NUP133: variants seen among roughly 807,000 people sequenced by gnomAD.
NUP133 encodes nuclear pore complex protein Nup133.
In NUP133, 66 loss-of-function variants were observed where a neutral mutation model predicts 146.2. The ratio of observed to expected loss-of-function variants is 0.45; its 90% CI spans 0.37 to 0.55. The LOEUF is 0.55. Ranked by LOEUF, NUP133 falls within the 20% of genes least tolerant of loss-of-function variation. NUP133 has a pLI of 0.00. For missense variants in NUP133, 1,277 were observed against 1,374.8 expected, an observed-to-expected ratio of 0.93 and a Z score of 1.12; for synonymous variants, 521 against 498.8, an observed-to-expected ratio of 1.04 and a Z score of -0.59.
chr1:229,462,567 T>A (rs1268017777), intron 19 of NUP133, among the ~76,000 whole-genome samples: 3 of 151,246 alleles, frequency 2.0e-5, no homozygotes, highest in Non-Finnish European at 4.4e-5. Context: ...AATGGAAATT[T>A]TTTTTTTTTT....
At chr1:229,443,723 ATTT>A (rs71561738) in intron 25 of NUP133, among the ~76,000 whole-genome samples, 4,846 of 115,782 alleles carry the variant, frequency 0.042, 134 homozygotes, top group African/African-American at 0.12. Context: ...CACATATATA[ATTT>A]TTTTTTTTTT....
Position 229,452,663 on chromosome 1 carries a change from G to A in NUP133, c.2981-20C>T. ...CCATTTCTAGTATTCAAGATGAGAGGGAGGGAAAGAGAATATGATGAAATT... is the reference window on the plus strand; with the variant it reads ...CCATTTCTAGTATTCAAGATGAGAGAGAGGGAAAGAGAATATGATGAAATT... On this transcript the variant is annotated intron_variant, in intron 21 of 25. Transcript: ENST00000261396. 3.2e-6 allele frequency: 5 copies of A among 1,546,258 alleles called. No individual in the cohort carries two copies. Among genetic ancestry groups the A allele is most frequent in the Non-Finnish European group, 4.4e-6 (5 of 1,127,296 alleles).
rs1412568718 is a variant in NUP133, at chr1:229,465,645, C to T, written c.2200-126G>A. 3 of 713,842 alleles carry T rather than the reference C, an allele frequency of 4.2e-6. No individual in the cohort carries two copies. The African/African-American group carries it at 5.4e-5, about 13-fold the overall frequency. The allele number at this position is 713,842 out of a possible 1,614,324, so 44.2% of individuals were successfully genotyped here. A position where few individuals can be genotyped will look rare whatever the true frequency, so the allele number is the denominator to read the frequency against. The stretch of plus-strand genomic sequence containing the variant: ...CTCAGGGGCCAGGAATGTTGGCTCA[C>T]ACCTGTAATCCCAGTGCTTTGGGAG... On this transcript the variant is annotated intron_variant, in intron 16 of 25. Transcript: ENST00000261396.
rs1305263866 is a variant in NUP133 at position 229,455,234 on chromosome 1, T to C, written c.2981-2591A>G. On this transcript the variant is annotated intron_variant, in intron 21 of 25. Transcript: ENST00000261396. The stretch of plus-strand genomic sequence containing the variant: ...CTGCATATACTTGATCCAAACCACA[T>C]AGCTGAGATTCCCCGCTCCAATTTT... Among the ~76,000 whole-genome samples, 8 of 152,318 alleles carry C rather than the reference T, an allele frequency of 5.3e-5. No homozygotes were observed. In the East Asian group the frequency reaches 1.3e-3, roughly 26 times the overall value.
At chr1:229,449,849 TTTTATA>T (rs1310219965) in intron 23 of NUP133, among the ~76,000 whole-genome samples, 2 of 102,142 alleles carry the variant, frequency 2.0e-5, no homozygotes, top group African/African-American at 9.3e-5. Context: ...ACTATGAAGA[TTTTATA>T]TATATATATA....
chr1:229,443,990 C>T (rs1254916476), intron 25 of NUP133, among the ~76,000 whole-genome samples: 1 of 149,934 alleles, frequency 6.7e-6, no homozygotes, highest in East Asian at 2.0e-4. Context: ...ATTCTCCCAC[C>T]TTGGCCTCCC....
rs558253616 is a variant in NUP133 at position 229,486,895 on chromosome 1, G to A, written c.1343-367C>T. On this transcript the variant is annotated intron_variant, in intron 10 of 25. Transcript: ENST00000261396. The stretch of plus-strand genomic sequence containing the variant: ...ACTTTAACTTACCACATCAGTCAAT[G>A]GGGACTGGAAAAAAAAAAAAAAAAA... 8.1e-4 allele frequency among the ~76,000 whole-genome samples: 118 copies of A among 145,414 alleles called. 1 individual carries two copies. Among genetic ancestry groups the A allele is most frequent in the Admixed American group, 5.1e-3 (74 of 14,548 alleles).
rs1042050760 is a variant in NUP133 at position 229,441,819 on chromosome 1, C to T, written c.*85G>A. ...CAGCTATACATGTTATGAAATTGTA[C>T]AAACTTACACTTGTTTATGGCCTAA... On this transcript the variant is annotated 3_prime_UTR_variant, in exon 26 of 26. Transcript: ENST00000261396. 23 of 1,129,272 alleles carry T rather than the reference C, an allele frequency of 2.0e-5. No individual in the cohort carries two copies. The highest frequency in any genetic ancestry group is 2.7e-5 in the Non-Finnish European group (22 of 805,796). The allele number at this position is 1,129,272 out of a possible 1,614,324, so 70.0% of individuals were successfully genotyped here.
chr1:229,486,988 G>A (rs981344104), intron 10 of NUP133, among the ~76,000 whole-genome samples: 5 of 151,134 alleles, frequency 3.3e-5, no homozygotes, highest in Admixed American at 6.6e-5. Context: ...CTTGTGCTGG[G>A]ACTAGAAAAC....
intron 12 of NUP133, among the ~76,000 whole-genome samples, chr1:229,482,397 G>A (rs566801278): frequency 5.3e-5 from 8 of 152,222 alleles, no homozygotes; most frequent in Admixed American, 6.5e-5. Context: ...CTTTAGCCAT[G>A]CTAACTCCCA....
chr1:229,470,795 A>G lies in NUP133; in HGVS notation c.1861T>C (p.Phe621Leu). 1 of 1,613,662 alleles carries G rather than the reference A, an allele frequency of 6.2e-7. No individual in the cohort carries two copies. The highest frequency in any genetic ancestry group is 8.5e-7 in the Non-Finnish European group (1 of 1,179,836). The change falls in exon 15 of 26, where the codon TTT becomes CTT. Residue 621 changes from phenylalanine to leucine, a missense_variant. Phe to Leu is a conservative substitution (Grantham distance 22). Coordinates refer to ENST00000261396, the MANE Select transcript of NUP133 (RefSeq NM_018230.3). ...LMDFIHQVGL[F>L]GRLGSFPVRG... The stretch of plus-strand genomic sequence containing the variant: ...ACTGGAAAACTGCCTAGACGTCCAA[A>G]TAAGCCAACCTTGCAAAAAGGCAAA...
chr1:229,481,147 T>G (rs1212318956), intron 12 of NUP133, among the ~76,000 whole-genome samples: 3 of 152,124 alleles, frequency 2.0e-5, no homozygotes, highest in South Asian at 4.1e-4. Context: ...TTGGGCAGGA[T>G]GAGTTCAGCA....
chr1:229,447,938 TA>T (rs1660348858), intron 24 of NUP133, among the ~76,000 whole-genome samples: 1 of 152,130 alleles, frequency 6.6e-6, no homozygotes, highest in Admixed American at 6.5e-5. Context: ...ACCCCACTGA[TA>T]AGACAGGATG....
In NUP133 at chr1:229,450,564, A is replaced by G; in HGVS notation, c.3141T>C (p.Asp1047=). 1 of 1,589,302 alleles carries G rather than the reference A, an allele frequency of 6.3e-7. No homozygotes were observed. Among genetic ancestry groups the G allele is most frequent in the Non-Finnish European group, 8.6e-7 (1 of 1,162,614 alleles). Residue 1047 remains aspartate, a synonymous_variant, in exon 23 of 26, where the codon GAT becomes GAC. Coordinates refer to ENST00000261396, the MANE Select transcript of NUP133 (RefSeq NM_018230.3). ...CCAACAAGTCCAAAGCTTTCTTGAA[A>G]TCATATTCATTAGCTCTTCTATTTT... The part of the protein sequence containing the change: ...CEENRRANEY[D]FKKALDLLEY...
Position 229,498,153 on chromosome 1 carries a change from G to C in NUP133, c.802C>G (p.Pro268Ala), listed in dbSNP as rs767914842. 6.2e-7 allele frequency: 1 copy of C among 1,606,886 alleles called. No homozygotes were observed. Among genetic ancestry groups the C allele is most frequent in the South Asian group, 1.1e-5 (1 of 89,494 alleles). The part of the protein sequence containing the change: ...KVSSLFGILS[P>A]SSDLTLSSVL... ...AAACTTACTGTGAGATCACTACTAG[G>C]AGATAAAATTCCAAAAAGAGAAGAA... Residue 268 changes from proline (P) to alanine (A), a missense_variant, in exon 6 of 26, where the codon CCT (proline) becomes GCT (alanine). By Grantham distance (27) the Pro-to-Ala change is conservative. Coordinates refer to ENST00000261396, the MANE Select transcript of NUP133 (RefSeq NM_018230.3).
chr1:229,497,356 A>T (rs1197969745), intron 6 of NUP133, among the ~76,000 whole-genome samples: 1 of 152,240 alleles, frequency 6.6e-6, no homozygotes, highest in Non-Finnish European at 1.5e-5. Context: ...TCAAAAGAGA[A>T]ATGAGTTTTA....
At chr1:229,476,811 C>T (rs1185172793) in intron 13 of NUP133, among the ~76,000 whole-genome samples, 2 of 151,760 alleles carry the variant, frequency 1.3e-5, no homozygotes, top group African/African-American at 4.8e-5. Flanking sequence ...GTAATCTCAG[C>T]TACTCAGGAG....
chr1:229,466,406 A>G (rs1660828619), intron 16 of NUP133, among the ~76,000 whole-genome samples: 2 of 152,248 alleles, frequency 1.3e-5, no homozygotes, highest in Admixed American at 1.3e-4. Flanking sequence ...TATTCTACCA[A>G]ATAGAAACTC....
chr1:229,458,106 T>C (rs1415155132), intron 21 of NUP133, 55 bp downstream of exon 21: 2 of 1,571,236 alleles, frequency 1.3e-6, no homozygotes, highest in Non-Finnish European at 1.7e-6. Context: ...GAACACATCA[T>C]GAGTTAATTG....
Sources: allele counts gnomAD v4.1 joint callset (sites outside exome capture counted in the v4.1 genomes callset), GRCh38; gene constraint gnomAD v4.1.1; transcripts MANE v1.5; gene names NCBI Gene and HGNC (gene_info 2026-07-23, HGNC 2026-07-21).